Variants in GAS7 observed in about 807,000 individuals in gnomAD.
GAS7 encodes growth arrest specific 7, also known as growth arrest-specific protein 7.
A neutral mutation model predicts 71.1 loss-of-function variants in GAS7; 28 were observed. That is an observed-to-expected ratio of 0.39 (90% confidence interval 0.29 to 0.54). GAS7 has a LOEUF of 0.54. Among genes scored for constraint, GAS7 ranks in the 20% least tolerant of loss-of-function variants. The pLI is 0.62. For missense variants in GAS7, 436 were observed against 627.8 expected, an observed-to-expected ratio of 0.69 and a Z score of 3.27; for synonymous variants, 258 against 245.8, an observed-to-expected ratio of 1.05 and a Z score of -0.46.
chr17:9,946,287 C>T (rs1039476549), intron 6 of GAS7, among the ~76,000 whole-genome samples: 18 of 152,226 alleles, frequency 1.2e-4, no homozygotes, highest in African/African-American at 4.3e-4. Flanking sequence ...ACACAACGGA[C>T]CATTTTAGCC....
chr17:10,129,397 G>A (rs1256071535), intron 1 of GAS7, among the ~76,000 whole-genome samples: 1 of 152,064 alleles, frequency 6.6e-6, no homozygotes, highest in Non-Finnish European at 1.5e-5. Flanking sequence ...TAGCTGGGCA[G>A]GGTGGCACAT....
intron 1 of GAS7, among the ~76,000 whole-genome samples, chr17:10,071,235 G>A (rs77718278): frequency 1.9e-4 from 29 of 152,192 alleles, no homozygotes; most frequent in African/African-American, 6.3e-4. Flanking sequence ...TTTGAGTCCC[G>A]ACTCCACCAT....
At chr17:10,165,385 G>A (rs942074808) in intron 1 of GAS7, among the ~76,000 whole-genome samples, 1 of 151,572 alleles carries the variant, frequency 6.6e-6, no homozygotes, top group African/African-American at 2.4e-5. Context: ...TTCTCAAACA[G>A]AAAAGGAGCC....
At chr17:10,133,487 T>G (rs937813869) in intron 1 of GAS7, among the ~76,000 whole-genome samples, 1 of 152,184 alleles carries the variant, frequency 6.6e-6, no homozygotes, top group African/African-American at 2.4e-5. Context: ...ATATTTATGG[T>G]GTACATACAC....
In GAS7 at chr17:10,109,268, A is replaced by T. The variant is rs143364267; in HGVS notation, c.183+88940T>A. Among the ~76,000 whole-genome samples, 86 of 152,382 alleles carry T rather than the reference A, an allele frequency of 5.6e-4. 1 individual carries two copies. The Middle Eastern group carries it at 0.017, about 30-fold the overall frequency. ...ACATCACTAATCACCAGGGAAATTCAAATTAAAACCACAACGAGCTATCAT... is the reference window on the plus strand; with the variant it reads ...ACATCACTAATCACCAGGGAAATTCTAATTAAAACCACAACGAGCTATCAT... On this transcript the variant is annotated intron_variant, in intron 1 of 13. Transcript: ENST00000432992.
At position 9,918,301 on chromosome 17, in the gene GAS7, T is replaced by G. The variant is rs55976773; in HGVS notation, c.1219-202A>C. ...GCAGCGGCTGTTTTACTTCCTGAAA[T>G]CCTGCTCCGCCACGCACAGTGCTGA... On this transcript the variant is annotated intron_variant, in intron 12 of 13. Transcript: ENST00000432992. Among the ~76,000 whole-genome samples, 127,533 of 151,892 alleles carry G rather than the reference T, an allele frequency of 0.84. 53,791 individuals carry two copies. The highest frequency in any genetic ancestry group is 0.92 in the African/African-American group (38,123 of 41,456).
intron 1 of GAS7, among the ~76,000 whole-genome samples, chr17:10,029,979 C>T (rs1168288897): frequency 6.6e-6 from 1 of 152,168 alleles, no homozygotes; most frequent in East Asian, 1.9e-4. Flanking sequence ...CCTCCCGTCC[C>T]CATAGTGAAG....
chr17:10,119,348 C>T (rs1267445453), intron 1 of GAS7, among the ~76,000 whole-genome samples: 1 of 152,224 alleles, frequency 6.6e-6, no homozygotes, highest in Non-Finnish European at 1.5e-5. Flanking sequence ...TAAGTAGTTA[C>T]TGAGTGCTCA....
intron 2 of GAS7, among the ~76,000 whole-genome samples, chr17:10,007,170 A>G (rs531647615): frequency 3.3e-5 from 5 of 152,284 alleles, no homozygotes; most frequent in African/African-American, 9.6e-5. Context: ...TTTGAAAAAT[A>G]TAAAGTTGAC....
intron 2 of GAS7, among the ~76,000 whole-genome samples, chr17:9,987,461 C>T (rs778738097): frequency 2.2e-4 from 33 of 152,188 alleles, no homozygotes; most frequent in African/African-American, 7.0e-4. Context: ...TTCTCCTCAG[C>T]GAATGCCAGT....
intron 2 of GAS7, among the ~76,000 whole-genome samples, chr17:10,017,719 C>G (rs9906134): frequency 0.063 from 9,520 of 152,272 alleles, 522 homozygotes; most frequent in African/African-American, 0.14. Flanking sequence ...CAGCTACACT[C>G]ATTTGTTTAC....
intron 2 of GAS7, among the ~76,000 whole-genome samples, chr17:9,992,051 G>A (rs1597629586): frequency 6.6e-6 from 1 of 152,258 alleles, no homozygotes; most frequent in East Asian, 1.9e-4. Flanking sequence ...TGAGTAGGCT[G>A]GGAGGAACTC....
chr17:10,102,059 G>C (rs1209009258), intron 1 of GAS7, among the ~76,000 whole-genome samples: 4 of 151,970 alleles, frequency 2.6e-5, no homozygotes, highest in African/African-American at 9.7e-5. Context: ...GGCCTATAGG[G>C]TCATTGTTTA....
At position 9,940,532 on chromosome 17, in the gene GAS7, TGAAG is replaced by T. The variant is rs1257451383; in HGVS notation, c.732-336_732-333del. Among the ~76,000 whole-genome samples the T allele has an allele frequency of 2.6e-5, 4 of 152,110 alleles. No homozygotes were observed. The East Asian group carries it at 7.7e-4, about 29-fold the overall frequency. On this transcript the variant is annotated intron_variant, in intron 7 of 13. Coordinates refer to ENST00000432992, the MANE Select transcript of GAS7 (RefSeq NM_201433.2). ...TAAGACCCCTGAACCAATAAATGAA[TGAAG>T]GAAGAAATGAACGTTTGCAACTCGT...
At chr17:10,060,236 T>A (rs1458234691) in intron 1 of GAS7, among the ~76,000 whole-genome samples, 1 of 152,248 alleles carries the variant, frequency 6.6e-6, no homozygotes, top group Non-Finnish European at 1.5e-5. Flanking sequence ...CTTCTGCCAC[T>A]GCCTGCCATA....
At chr17:9,918,201 T>G in intron 12 of GAS7, 102 bp from the exon 13 acceptor site, 1 of 741,348 alleles carries the variant, frequency 1.3e-6, no homozygotes, top group Admixed American at 2.3e-5. Context: ...GTGGACATTC[T>G]GTCCCATCTG....
In GAS7 at chr17:10,103,019, T is replaced by C. The variant is rs185084598; in HGVS notation, c.184-83122A>G. Among the ~76,000 whole-genome samples, 355 of 152,334 alleles carry C rather than the reference T, an allele frequency of 2.3e-3. No individual in the cohort carries two copies. Among genetic ancestry groups the C allele is most frequent in the Non-Finnish European group, 4.2e-3 (283 of 68,028 alleles). On this transcript the variant is annotated intron_variant, in intron 1 of 13. Coordinates refer to ENST00000432992, the MANE Select transcript of GAS7 (RefSeq NM_201433.2). The surrounding 1 kb of genome is among the most constrained non-coding windows in gnomAD (Gnocchi z 5.5). ...TCCAGGGAGGCACCAGCAGCATTCC[T>C]GTCGCCTAGAAGCTTGTTAGAAATG...
At chr17:10,076,451 G>GGGAAA (rs999418814) in intron 1 of GAS7, among the ~76,000 whole-genome samples, 3 of 147,780 alleles carry the variant, frequency 2.0e-5, no homozygotes, top group African/African-American at 5.0e-5. Context: ...AGTCGGGGGA[G>GGGAAA]GGAAAGGAAA....
chr17:9,917,778 C>T (rs976846561), intron 13 of GAS7, among the ~76,000 whole-genome samples: 9 of 152,354 alleles, frequency 5.9e-5, no homozygotes, highest in East Asian at 5.8e-4. Context: ...TAACAGCTCA[C>T]GTGTGTGTCC....
Sources: allele counts gnomAD v4.1 joint callset (sites outside exome capture counted in the v4.1 genomes callset), GRCh38; gene constraint gnomAD v4.1.1; non-coding constraint Gnocchi (gnomAD v3.1); transcripts MANE v1.5; gene names NCBI Gene and HGNC (gene_info 2026-07-23, HGNC 2026-07-21).